THTPA: variants seen among roughly 807,000 people sequenced by gnomAD.
THTPA encodes thiamine triphosphatase.
Under a neutral mutation model 16.5 loss-of-function variants are expected in THTPA, and 16 were observed. The ratio of observed to expected loss-of-function variants is 0.97; its 90% CI spans 0.66 to 1.47. The LOEUF (loss-of-function observed/expected upper bound fraction) is 1.47, where lower values mean the gene tolerates loss of function less well. THTPA is among the 40% of genes most tolerant of loss of function. The pLI is 0.00. For missense variants in THTPA, 281 were observed against 280.9 expected (o/e 1.00, Z 0.00); for synonymous variants, 110 against 115.5 (o/e 0.95, Z 0.30).
chr14:23,550,692 C>T, the THTPA span, among the ~76,000 whole-genome samples: 1 of 152,266 alleles, frequency 6.6e-6, no homozygotes, highest in Non-Finnish European at 1.5e-5. Flanking sequence ...GTAGGATGGG[C>T]GTGCAGGACA....
At chr14:23,555,568 A>AAAGTTTCTCACCCACTCTTACCC, upstream of THTPA, among the ~76,000 whole-genome samples, 1 of 152,188 alleles carries the variant, frequency 6.6e-6, no homozygotes, top group South Asian at 2.1e-4. Context: ...TCTCTGACAG[A>AAAGTTTCTCACCCACTCTTACCC]AAGTTTCTCA....
chr14:23,558,674 T>C, intron 1 of THTPA, 21 bp from the exon 2 acceptor site: 1 of 1,614,050 alleles, frequency 6.2e-7, no homozygotes, highest in Non-Finnish European at 8.5e-7. Flanking sequence ...ATTTCTCTCC[T>C]CATTGTCCTT....
At chr14:23,547,410 G>C in the THTPA span, among the ~76,000 whole-genome samples, 1 of 152,342 alleles carries the variant, frequency 6.6e-6, no homozygotes, top group South Asian at 2.1e-4. Context: ...ATGGGGTGGG[G>C]ATGCTACTTT....
the THTPA span, chr14:23,530,694 G>A: frequency 5.8e-6 from 2 of 342,062 alleles, no homozygotes; most frequent in Middle Eastern, 1.0e-3. Flanking sequence ...AAGTGTTAAA[G>A]TTCCTTAACT....
At chr14:23,529,862 G>T in the THTPA span, 1 of 1,270,950 alleles carries the variant, frequency 7.9e-7, no homozygotes, top group Non-Finnish European at 1.1e-6. Context: ...GGGCACTAGA[G>T]AAAGGGCAGG....
rs1883092185 is a variant in THTPA, at chr14:23,559,686, G to A, written c.*846G>A. ...GCTGGTAGCCCTCAGGTGTAGGTTC[G>A]AAGCTGCTGGGGCCCCCTGGGGTTT... On this transcript the variant is annotated 3_prime_UTR_variant, in exon 2 of 2. Transcript: ENST00000288014. The A allele has an allele frequency of 5.3e-6, 8 of 1,519,514 alleles. No individual in the cohort carries two copies. In the Admixed American group the frequency reaches 5.3e-5, roughly 10 times the overall value. The allele number at this position is 1,519,514 out of a possible 1,614,324, so 94.1% of individuals were successfully genotyped here. A position where few individuals can be genotyped will look rare whatever the true frequency, so the allele number is the denominator to read the frequency against.
upstream of THTPA, among the ~76,000 whole-genome samples, chr14:23,553,261 A>G (rs1882104855): frequency 6.6e-6 from 1 of 152,238 alleles, no homozygotes; most frequent in Non-Finnish European, 1.5e-5. Context: ...TTTATGACTG[A>G]ATCCTCACAG....
chr14:23,545,002 T>C, the THTPA span, among the ~76,000 whole-genome samples: 65,309 of 151,692 alleles, frequency 0.43, 16,382 homozygotes, highest in African/African-American at 0.7. Context: ...TCTTCGATTC[T>C]GGGCTCCTCT....
upstream of THTPA, chr14:23,555,966 C>T (rs765888978): frequency 4.6e-5 from 7 of 152,350 alleles, no homozygotes; most frequent in Non-Finnish European, 8.8e-5. Context: ...ATGGCAAAGT[C>T]TCCCTTTGGA....
At chr14:23,528,053 G>A in the THTPA span, among the ~76,000 whole-genome samples, 24 of 152,010 alleles carry the variant, frequency 1.6e-4, no homozygotes, top group Non-Finnish European at 2.2e-4. Context: ...GATTACAGGC[G>A]TGTGCAACCA....
the THTPA span, among the ~76,000 whole-genome samples, chr14:23,545,370 G>A: frequency 6.6e-6 from 1 of 152,156 alleles, no homozygotes; most frequent in South Asian, 2.1e-4. Context: ...TCATTTCCCT[G>A]CGGAGGGGTC....
At chr14:23,523,094 G>T in the THTPA span, 1 of 1,400,804 alleles carries the variant, frequency 7.1e-7, no homozygotes, top group Non-Finnish European at 9.2e-7. The surrounding 1 kb of genome is among the most constrained non-coding windows in gnomAD (Gnocchi z 4.1). Context: ...TGATGCAAAG[G>T]AAGGCCACAG....
chr14:23,531,490 G>A, the THTPA span: 101 of 1,417,104 alleles, frequency 7.1e-5, 1 homozygote, highest in African/African-American at 2.9e-5. Context: ...CCGGGAGTCC[G>A]GAGCTGCCCG....
Position 23,559,961 on chromosome 14 carries a change from A to C in THTPA, c.*1121A>C. Reference sequence around the variant, plus strand: ...ACCTTGTTAGGATTGAGGATTCTGAAGAGCTGGGTGATAGGAAGGCCACCC... The same window carrying C: ...ACCTTGTTAGGATTGAGGATTCTGACGAGCTGGGTGATAGGAAGGCCACCC... On this transcript the variant is annotated 3_prime_UTR_variant, in exon 2 of 2. Transcript: ENST00000288014. 1 of 1,613,414 alleles carries C rather than the reference A, an allele frequency of 6.2e-7. No individual in the cohort carries two copies. Among genetic ancestry groups the C allele is most frequent in the East Asian group, 2.2e-5 (1 of 44,882 alleles).
At chr14:23,526,003 G>A in the THTPA span, 1 of 1,531,820 alleles carries the variant, frequency 6.5e-7, no homozygotes, top group South Asian at 1.2e-5. Context: ...TGAAGCCACT[G>A]GTGTCAGGGC....
the THTPA span, among the ~76,000 whole-genome samples, chr14:23,548,898 C>G: frequency 6.6e-6 from 1 of 152,214 alleles, no homozygotes; most frequent in African/African-American, 2.4e-5. Context: ...CTGTGTCCTC[C>G]TCACACCAGA....
At chr14:23,518,773 CAGG>C in the THTPA span, among the ~76,000 whole-genome samples, 150 of 152,284 alleles carry the variant, frequency 9.9e-4, no homozygotes, top group Admixed American at 2.5e-3. This position sits in a 1 kb window ranked among gnomAD's most constrained non-coding sequence, Gnocchi z 4.5. Context: ...TGTTACTCCA[CAGG>C]AGAAATACCA....
the THTPA span, chr14:23,525,523 G>A: frequency 1.3e-6 from 2 of 1,535,698 alleles, no homozygotes; most frequent in South Asian, 2.4e-5. This position sits in a 1 kb window ranked among gnomAD's most constrained non-coding sequence, Gnocchi z 5.9. Context: ...CACCCCCGAG[G>A]GCCTCAGGTG....
chr14:23,523,909 C>T, the THTPA span: 2 of 1,536,218 alleles, frequency 1.3e-6, no homozygotes, highest in Admixed American at 3.9e-5. The surrounding 1 kb of genome is among the most constrained non-coding windows in gnomAD (Gnocchi z 4.1). Flanking sequence ...TAGGTGGTTC[C>T]TCTGGGCCCT....
Sources: allele counts gnomAD v4.1 joint callset (sites outside exome capture counted in the v4.1 genomes callset), GRCh38; gene constraint gnomAD v4.1.1; non-coding constraint Gnocchi (gnomAD v3.1); transcripts MANE v1.5; gene names NCBI Gene and HGNC (gene_info 2026-07-23, HGNC 2026-07-21).